The following RTN4RL1 variants were observed in gnomAD, a reference collection of about 807,000 sequenced individuals.
RTN4RL1 encodes the protein reticulon-4 receptor-like 1.
In RTN4RL1, 7 loss-of-function variants were observed where a neutral mutation model predicts 25.6. That is an observed-to-expected ratio of 0.27 (90% CI 0.16 to 0.51). The LOEUF (loss-of-function observed/expected upper bound fraction) is 0.51, where lower values mean the gene tolerates loss of function less well. Among genes scored for constraint, RTN4RL1 ranks in the 20% least tolerant of loss-of-function variants. The pLI is 0.97. For synonymous variants in RTN4RL1, 297 were observed against 288.2 expected (o/e 1.03, Z -0.31); for missense variants, 500 against 615.6 (o/e 0.81, Z 1.99).
rs1178011744 is a variant in RTN4RL1 at position 2,001,980 on chromosome 17, G to C, written c.13+22873C>G. ...GAGCTCAGGCAGACCTACTTTCAAGGTTTTAATCCTTTTTGCTTAAAGGAT... is the reference window on the plus strand; with the variant it reads ...GAGCTCAGGCAGACCTACTTTCAAGCTTTTAATCCTTTTTGCTTAAAGGAT... On this transcript the variant is annotated intron_variant, in intron 1 of 1. Transcript: ENST00000331238. Among the ~76,000 whole-genome samples, 6 of 146,818 alleles carry C rather than the reference G, an allele frequency of 4.1e-5. No individual in the cohort carries two copies. The Middle Eastern group carries it at 0.021, about 517-fold the overall frequency.
rs1028516038 is a variant in RTN4RL1 at position 1,998,684 on chromosome 17, A to G, written c.13+26169T>C. On this transcript the variant is annotated intron_variant, in intron 1 of 1. Transcript: ENST00000331238. This position sits in a 1 kb window ranked among gnomAD's most constrained non-coding sequence, Gnocchi z 4.9. ...GGTCGCCGCGGCGCTTTCCTGCCCAAGCTGGCGCTGCCGGAGCGCCCGGGC... is the reference window on the plus strand; with the variant it reads ...GGTCGCCGCGGCGCTTTCCTGCCCAGGCTGGCGCTGCCGGAGCGCCCGGGC... 2.0e-5 allele frequency among the ~76,000 whole-genome samples: 3 copies of G among 150,326 alleles called. No homozygotes were observed. The highest frequency in any genetic ancestry group is 4.4e-5 in the Non-Finnish European group (3 of 67,658).
chr17:1,983,869 G>A (rs943738149), intron 1 of RTN4RL1, among the ~76,000 whole-genome samples: 1 of 152,074 alleles, frequency 6.6e-6, no homozygotes. Context: ...CTCATGACTC[G>A]TTTTCATAAC....
chr17:2,006,989 G>A (rs1055635287), intron 1 of RTN4RL1, among the ~76,000 whole-genome samples: 1 of 152,028 alleles, frequency 6.6e-6, no homozygotes, highest in African/African-American at 2.4e-5. Context: ...TGGGGTCCTG[G>A]AAAGATGAAG....
At chr17:2,024,571 C>G (rs2067249048) in intron 1 of RTN4RL1, among the ~76,000 whole-genome samples, 1 of 152,178 alleles carries the variant, frequency 6.6e-6, no homozygotes, top group South Asian at 2.1e-4. Context: ...GGCCGGCTCC[C>G]CTTCCACCAC....
At chr17:1,988,608 T>C (rs1200682127) in intron 1 of RTN4RL1, among the ~76,000 whole-genome samples, 1 of 151,628 alleles carries the variant, frequency 6.6e-6, no homozygotes, top group Non-Finnish European at 1.5e-5. Flanking sequence ...ACCGCATCCC[T>C]AGCACCCAGG....
intron 1 of RTN4RL1, among the ~76,000 whole-genome samples, chr17:1,940,179 C>T (rs1248816832): frequency 6.6e-6 from 1 of 152,246 alleles, no homozygotes; most frequent in Non-Finnish European, 1.5e-5. Context: ...AGCTGCTTCC[C>T]GTCCCCTGTA....
chr17:2,002,153 G>A (rs1462023404), intron 1 of RTN4RL1, among the ~76,000 whole-genome samples: 1 of 151,982 alleles, frequency 6.6e-6, no homozygotes. Flanking sequence ...GAGATCTTAG[G>A]TCCTGGCAGA....
At chr17:1,970,966 T>C (rs73290055) in intron 1 of RTN4RL1, among the ~76,000 whole-genome samples, 2,986 of 152,322 alleles carry the variant, frequency 0.02, 100 homozygotes, top group African/African-American at 0.067. Flanking sequence ...AGTATATTAA[T>C]GACGGCTGCC....
rs1915265720 is a variant in RTN4RL1 at position 1,935,004 on chromosome 17, T to C, written c.*1492A>G. On this transcript the variant is annotated 3_prime_UTR_variant, in exon 2 of 2. Coordinates refer to ENST00000331238, the MANE Select transcript of RTN4RL1 (RefSeq NM_178568.4). Reference sequence around the variant, plus strand: ...GAAGTGCCTGAGATGGTTCATGAAATGCCCTCATTGTTCCCCTTCTGCTAA... The same window carrying C: ...GAAGTGCCTGAGATGGTTCATGAAACGCCCTCATTGTTCCCCTTCTGCTAA... 6.6e-6 allele frequency: 1 copy of C among 150,696 alleles called. No homozygotes were observed. Among genetic ancestry groups the C allele is most frequent in the Admixed American group, 6.6e-5 (1 of 15,106 alleles). 9.3% of individuals were successfully genotyped at this position (150,696 alleles called of 1,614,324 possible).
chr17:1,981,409 A>T (rs1309219564), intron 1 of RTN4RL1, among the ~76,000 whole-genome samples: 6 of 152,122 alleles, frequency 3.9e-5, no homozygotes, highest in Admixed American at 1.3e-4. Context: ...AAAACCTAGA[A>T]ATGAAGCTGA....
At chr17:2,006,043 C>T (rs569526752) in intron 1 of RTN4RL1, among the ~76,000 whole-genome samples, 6 of 152,110 alleles carry the variant, frequency 3.9e-5, no homozygotes, top group South Asian at 4.1e-4. Flanking sequence ...ATGATCCACC[C>T]GCCTTGGACT....
intron 1 of RTN4RL1, 114 bp downstream of exon 1, chr17:2,024,739 A>T: frequency 1.8e-6 from 2 of 1,088,354 alleles, no homozygotes; most frequent in Non-Finnish European, 2.6e-6. Flanking sequence ...AAAACCCACC[A>T]GCCCGCCGGG....
At chr17:1,953,165 TGGGCGGCAAA>T (rs1490913527) in intron 1 of RTN4RL1, among the ~76,000 whole-genome samples, 1 of 152,068 alleles carries the variant, frequency 6.6e-6, no homozygotes, top group Admixed American at 6.6e-5. Context: ...CCCAGCACTT[TGGGCGGCAAA>T]GATGGGAGGA....
At chr17:1,956,446 G>A (rs555321218) in intron 1 of RTN4RL1, among the ~76,000 whole-genome samples, 1 of 151,752 alleles carries the variant, frequency 6.6e-6, no homozygotes, top group African/African-American at 2.4e-5. Flanking sequence ...CTGGTGGGGG[G>A]GCGGGTTCCA....
intron 1 of RTN4RL1, among the ~76,000 whole-genome samples, chr17:1,941,637 A>G (rs1915440590): frequency 6.6e-6 from 1 of 151,974 alleles, no homozygotes; most frequent in Non-Finnish European, 1.5e-5. Context: ...GGGAGTGCTC[A>G]CCGACCTTGG....
At chr17:1,983,884 T>A (rs1442875242) in intron 1 of RTN4RL1, among the ~76,000 whole-genome samples, 1 of 151,984 alleles carries the variant, frequency 6.6e-6, no homozygotes, top group Non-Finnish European at 1.5e-5. Context: ...CATAACGGGG[T>A]CCACAAAACC....
rs2066938483 is a variant in RTN4RL1 at position 1,998,170 on chromosome 17, C to G, written c.13+26683G>C. Among the ~76,000 whole-genome samples, 1 of 151,918 alleles carries G rather than the reference C, an allele frequency of 6.6e-6. No individual in the cohort carries two copies. The highest frequency in any genetic ancestry group is 2.4e-5 in the African/African-American group (1 of 41,374). ...GGGAGGCCTCCTTGGCTCCCTGGCC[C>G]GGATTAAATATTTACTATGTTTTGT... is the stretch of plus-strand genomic sequence containing the variant. On this transcript the variant is annotated intron_variant, in intron 1 of 1. Transcript: ENST00000331238. The surrounding 1 kb of genome is among the most constrained non-coding windows in gnomAD (Gnocchi z 4.9).
intron 1 of RTN4RL1, among the ~76,000 whole-genome samples, chr17:1,956,808 T>G (rs1915803839): frequency 6.6e-6 from 1 of 150,712 alleles, no homozygotes; most frequent in South Asian, 2.1e-4. Flanking sequence ...AATGGTGCGA[T>G]CTCAGCTCAC....
At chr17:1,952,903 C>G (rs910010340) in intron 1 of RTN4RL1, among the ~76,000 whole-genome samples, 2 of 150,558 alleles carry the variant, frequency 1.3e-5, no homozygotes, top group East Asian at 4.0e-4. Flanking sequence ...ATGGTGAAAC[C>G]CCATCTCTAC....
Sources: allele counts gnomAD v4.1 joint callset (sites outside exome capture counted in the v4.1 genomes callset), GRCh38; gene constraint gnomAD v4.1.1; non-coding constraint Gnocchi (gnomAD v3.1); transcripts MANE v1.5; gene names NCBI Gene and HGNC (gene_info 2026-07-23, HGNC 2026-07-21).